TYW1B: variants seen among roughly 807,000 people sequenced by gnomAD.
TYW1B encodes tRNA-yW synthesizing protein 1 homolog B.
TYW1B carries 73 observed loss-of-function variants against 86.9 expected under a neutral mutation model. That is an observed-to-expected ratio of 0.84 (90% CI 0.70 to 1.02). TYW1B has a LOEUF of 1.02. Ranked by LOEUF, TYW1B falls within the 50% of genes least tolerant of loss-of-function variation. The probability of loss-of-function intolerance (pLI) is 0.00; values close to 1 mark genes in which losing one functional copy is unlikely to be tolerated. For synonymous variants in TYW1B, 248 were observed against 292.8 expected, an observed-to-expected ratio of 0.85 and a Z score of 1.56; for missense variants, 637 against 827.4, an observed-to-expected ratio of 0.77 and a Z score of 2.82.
At chr7:72,766,794 G>A (rs782375565) in intron 7 of TYW1B, among the ~76,000 whole-genome samples, 1 of 151,798 alleles carries the variant, frequency 6.6e-6, no homozygotes, top group African/African-American at 2.4e-5. Context: ...AGGCATGGTG[G>A]TGCATACCTG....
At chr7:72,802,756 G>A (rs1216334968) in intron 5 of TYW1B, among the ~76,000 whole-genome samples, 2 of 152,028 alleles carry the variant, frequency 1.3e-5, no homozygotes, top group African/African-American at 4.8e-5. Flanking sequence ...AAGTAGCTAG[G>A]ATCACAGGCG....
intron 13 of TYW1B, among the ~76,000 whole-genome samples, chr7:72,611,863 A>G (rs1189717845): frequency 1.3e-5 from 2 of 152,210 alleles, no homozygotes; most frequent in Admixed American, 1.3e-4. Flanking sequence ...ACTGATTTTC[A>G]GTCGTTTTCC....
At chr7:72,773,563 T>C (rs1388111672) in intron 7 of TYW1B, among the ~76,000 whole-genome samples, 1 of 152,176 alleles carries the variant, frequency 6.6e-6, no homozygotes, top group African/African-American at 2.4e-5. Flanking sequence ...CAAAGGTGGC[T>C]ACAGTTTGCA....
chr7:72,822,701 T>G lies in TYW1B; in HGVS notation c.135+4154A>C, dbSNP rs148082963. On this transcript the variant is annotated intron_variant, in intron 2 of 13. Transcript: ENST00000620995. Reference sequence around the variant, plus strand: ...GTGGCTCACACCTGTAATCCTATCCTGTAATCCTAGCCCAATATTGAGATG... The same window carrying G: ...GTGGCTCACACCTGTAATCCTATCCGGTAATCCTAGCCCAATATTGAGATG... Among the ~76,000 whole-genome samples the G allele has an allele frequency of 1.6e-4, 25 of 152,218 alleles. No homozygotes were observed. In the East Asian group the frequency reaches 3.9e-3, roughly 24 times the overall value.
Position 72,744,539 on chromosome 7 carries a change from A to G in TYW1B, c.1027T>C (p.Cys343Arg). 6.6e-7 allele frequency: 1 copy of G among 1,521,448 alleles called. No homozygotes were observed. Among genetic ancestry groups the G allele is most frequent in the Non-Finnish European group, 8.8e-7 (1 of 1,138,052 alleles). 94.2% of individuals were successfully genotyped at this position (1,521,448 alleles called of 1,614,324 possible). A position where few individuals can be genotyped will look rare whatever the true frequency, so the allele number is the denominator to read the frequency against. The change falls in exon 8 of 14, where the codon TGC (cysteine) becomes CGC (arginine). Residue 343 changes from cysteine (C) to arginine (R), a missense_variant. By Grantham distance (180) the Cys-to-Arg change is radical. Transcript: ENST00000620995. The part of the protein sequence containing the change: ...THILWNESHR[C>R]METTPSLACA... ...GCCAAGCTCGGGGTGGTTTCCATGC[A>G]GCGATGGCTCTCATTCCATAGAATG...
At chr7:72,690,236 C>A (rs1385339563) in intron 11 of TYW1B, among the ~76,000 whole-genome samples, 28 of 152,198 alleles carry the variant, frequency 1.8e-4, no homozygotes, top group Non-Finnish European at 1.6e-4. Context: ...CATCTGGTCA[C>A]ATTGCTGATA....
chr7:72,577,302 G>A (rs1350526058), intron 13 of TYW1B, among the ~76,000 whole-genome samples: 3 of 152,036 alleles, frequency 2.0e-5, no homozygotes, highest in Non-Finnish European at 1.5e-5. Context: ...AGCTTTCTAG[G>A]GGGAAAATGC....
intron 11 of TYW1B, among the ~76,000 whole-genome samples, chr7:72,663,190 G>A (rs1368372238): frequency 7.5e-6 from 1 of 132,552 alleles, no homozygotes; most frequent in African/African-American, 2.8e-5. Flanking sequence ...AAGGCGGGGG[G>A]TTGTGGGGGG....
intron 13 of TYW1B, among the ~76,000 whole-genome samples, chr7:72,604,075 G>A (rs1445971056): frequency 6.6e-6 from 1 of 152,104 alleles, no homozygotes. Flanking sequence ...GATGCTAATA[G>A]GACAAATCTA....
At chr7:72,744,702 A>G in intron 7 of TYW1B, 101 bp from the exon 8 acceptor site, 5 of 1,252,288 alleles carry the variant, frequency 4.0e-6, no homozygotes, top group Non-Finnish European at 1.2e-6. Context: ...TTTCGTAACC[A>G]TGAATACTCC....
intron 7 of TYW1B, among the ~76,000 whole-genome samples, chr7:72,753,978 G>A (rs1166397922): frequency 8.5e-5 from 13 of 152,066 alleles, no homozygotes; most frequent in Admixed American, 6.6e-5. Context: ...GGTCTGGAAC[G>A]AAACCTGAAA....
chr7:72,645,787 G>T (rs1201207345), intron 11 of TYW1B, among the ~76,000 whole-genome samples: 1 of 151,938 alleles, frequency 6.6e-6, no homozygotes, highest in African/African-American at 2.4e-5. Flanking sequence ...TGATGACCAG[G>T]AAAGAACTCT....
chr7:72,641,849 T>C (rs1812807027), intron 11 of TYW1B, among the ~76,000 whole-genome samples: 1 of 152,214 alleles, frequency 6.6e-6, no homozygotes, highest in South Asian at 2.1e-4. Context: ...CTGTTAAAGT[T>C]CCAGCTGCCT....
At chr7:72,624,627 T>C (rs1554438473) in intron 12 of TYW1B, among the ~76,000 whole-genome samples, 1 of 152,198 alleles carries the variant, frequency 6.6e-6, no homozygotes, top group African/African-American at 2.4e-5. Flanking sequence ...GAGACTGACC[T>C]CCAGTGACCA....
chr7:72,637,204 G>A (rs1232177517), intron 11 of TYW1B, among the ~76,000 whole-genome samples: 6 of 152,066 alleles, frequency 3.9e-5, no homozygotes, highest in African/African-American at 1.2e-4. Context: ...TAGGGTTGGT[G>A]TTAGTTCTCC....
At chr7:72,770,427 CAAAAA>C (rs587645992) in intron 7 of TYW1B, among the ~76,000 whole-genome samples, 84 of 94,452 alleles carry the variant, frequency 8.9e-4, no homozygotes, top group African/African-American at 3.4e-3. Flanking sequence ...GACTCCGTCT[CAAAAA>C]AAAAAAAAAA....
intron 7 of TYW1B, among the ~76,000 whole-genome samples, chr7:72,750,331 A>G (rs1787478495): frequency 6.6e-6 from 1 of 152,172 alleles, no homozygotes; most frequent in African/African-American, 2.4e-5. Flanking sequence ...ATTTTGCTGC[A>G]TATGAAACTC....
chr7:72,712,115 A>C (rs1403818970), intron 10 of TYW1B, among the ~76,000 whole-genome samples: 1 of 152,022 alleles, frequency 6.6e-6, no homozygotes, highest in Non-Finnish European at 1.5e-5. Context: ...GATCATCCCT[A>C]TAAGGAGAGC....
intron 13 of TYW1B, among the ~76,000 whole-genome samples, chr7:72,612,920 T>C (rs1811972267): frequency 6.6e-6 from 1 of 152,028 alleles, no homozygotes; most frequent in Admixed American, 6.6e-5. Flanking sequence ...CAGGAAATTT[T>C]TCTATTTTTA....
Sources: gnomAD v4.1 joint callset for allele counts (sites outside exome capture counted in the v4.1 genomes callset) on GRCh38, gnomAD v4.1.1 for gene constraint, MANE v1.5 for transcripts, NCBI Gene and HGNC (gene_info 2026-07-23, HGNC 2026-07-21) for gene names.